Variants in TAF3 observed in about 807,000 individuals in gnomAD.
The protein encoded by TAF3 is transcription initiation factor TFIID subunit 3.
In TAF3, 7 loss-of-function variants were observed where a neutral mutation model predicts 80.6. The observed-to-expected ratio is 0.09, with a 90% CI of 0.05 to 0.16. The LOEUF (loss-of-function observed/expected upper bound fraction) is 0.16, where lower values mean the gene tolerates loss of function less well. Among genes scored for constraint, TAF3 ranks in the 10% least tolerant of loss-of-function variants. The pLI, the probability that TAF3 is intolerant of heterozygous loss-of-function variation, is 1.00. For missense variants in TAF3, 921 were observed against 1,140.2 expected, an observed-to-expected ratio of 0.81 and a Z score of 2.77; for synonymous variants, 444 against 446.1, an observed-to-expected ratio of 1.00 and a Z score of 0.06.
Position 7,949,079 on chromosome 10 carries a change from T to C in TAF3, c.410-14841T>C, listed in dbSNP as rs566687375. ...CAACAGTGTCAGGATGATTTCCCAT[T>C]ACTTTTTTATCGACTGCTCTTGATG... On this transcript the variant is annotated intron_variant, in intron 2 of 6. Coordinates refer to ENST00000344293, the MANE Select transcript of TAF3 (RefSeq NM_031923.4). 2.6e-5 allele frequency among the ~76,000 whole-genome samples: 4 copies of C among 152,344 alleles called. No homozygotes were observed. In the East Asian group the frequency reaches 7.7e-4, roughly 29 times the overall value.
intron 2 of TAF3, among the ~76,000 whole-genome samples, chr10:7,883,039 A>G (rs1284847028): frequency 6.6e-6 from 1 of 152,212 alleles, no homozygotes; most frequent in Non-Finnish European, 1.5e-5. Context: ...CATATGTAAC[A>G]GAACAGTTAT....
intron 2 of TAF3, among the ~76,000 whole-genome samples, chr10:7,881,185 A>G (rs1284033806): frequency 7.0e-6 from 1 of 143,286 alleles, no homozygotes; most frequent in African/African-American, 2.5e-5. Flanking sequence ...GCAGTGAGCC[A>G]TGAGTATAAC....
chr10:7,830,917 G>A (rs1836793486), intron 2 of TAF3, among the ~76,000 whole-genome samples: 1 of 152,178 alleles, frequency 6.6e-6, no homozygotes, highest in African/African-American at 2.4e-5. Flanking sequence ...CACTCATAAT[G>A]CAGCTCAATG....
chr10:7,842,177 T>TG (rs1389612463), intron 2 of TAF3, among the ~76,000 whole-genome samples: 7 of 70,928 alleles, frequency 9.9e-5, no homozygotes, highest in African/African-American at 3.6e-4. Context: ...TTTTTTTTTG[T>TG]TTTTTTTTTT....
At chr10:7,982,148 A>T (rs543918458) in intron 4 of TAF3, among the ~76,000 whole-genome samples, 12 of 152,274 alleles carry the variant, frequency 7.9e-5, no homozygotes, top group African/African-American at 2.9e-4. Flanking sequence ...AATGTTTTTT[A>T]TCTCACTTTC....
intron 2 of TAF3, among the ~76,000 whole-genome samples, chr10:7,919,367 C>G (rs1456097092): frequency 6.6e-6 from 1 of 152,126 alleles, no homozygotes; most frequent in Admixed American, 6.5e-5. Context: ...CCTACCAAGT[C>G]CTTGCTGAAA....
At chr10:8,005,437 C>G (rs1317226662) in intron 4 of TAF3, among the ~76,000 whole-genome samples, 1 of 152,214 alleles carries the variant, frequency 6.6e-6, no homozygotes, top group African/African-American at 2.4e-5. Context: ...TCCTAGAACA[C>G]CAGAGGTGAA....
chr10:7,930,418 A>G (rs1404185995), intron 2 of TAF3, among the ~76,000 whole-genome samples: 1 of 152,200 alleles, frequency 6.6e-6, no homozygotes, highest in Non-Finnish European at 1.5e-5. Context: ...GTACAGCCCT[A>G]TTTCTAGAGT....
At chr10:7,925,791 T>G (rs1012218496) in intron 2 of TAF3, among the ~76,000 whole-genome samples, 1 of 53,802 alleles carries the variant, frequency 1.9e-5, no homozygotes, top group Non-Finnish European at 4.2e-5. Flanking sequence ...AAAAGGAAAC[T>G]CCATCTCAAA....
In TAF3 at chr10:7,998,259, A is replaced by ATATG. The variant is rs1554788790; in HGVS notation, c.2316-10816_2316-10815insGTAT. On this transcript the variant is annotated intron_variant, in intron 4 of 6. Coordinates refer to ENST00000344293, the MANE Select transcript of TAF3 (RefSeq NM_031923.4). ...GTGAGAACTATATATATATATATAT[A>ATATG]TATATGTATATATATATATATATAT... 6.6e-3 allele frequency among the ~76,000 whole-genome samples: 589 copies of ATATG among 89,046 alleles called. 2 individuals carry two copies. The highest frequency in any genetic ancestry group is 7.4e-3 in the African/African-American group (183 of 24,656). 58.4% of individuals were successfully genotyped at this position (89,046 alleles called of 152,430 possible). A position where few individuals can be genotyped will look rare whatever the true frequency, so the allele number is the denominator to read the frequency against.
At chr10:7,912,098 CAT>C (rs1457970918) in intron 2 of TAF3, among the ~76,000 whole-genome samples, 1 of 152,152 alleles carries the variant, frequency 6.6e-6, no homozygotes, top group Non-Finnish European at 1.5e-5. Flanking sequence ...GAATAGGAAA[CAT>C]ATTATCCTCA....
At chr10:7,999,026 G>T (rs531620428) in intron 4 of TAF3, among the ~76,000 whole-genome samples, 2 of 152,070 alleles carry the variant, frequency 1.3e-5, no homozygotes, top group African/African-American at 2.4e-5. Context: ...TGACTAGGTG[G>T]CTGAGGAAGT....
chr10:7,822,527 G>C (rs11255379), intron 1 of TAF3, among the ~76,000 whole-genome samples: 25,918 of 151,886 alleles, frequency 0.17, 2,663 homozygotes, highest in East Asian at 0.52. Context: ...TGTGGAGTTA[G>C]AAGTCAGTCT....
At chr10:7,924,682 G>A (rs1309606417) in intron 2 of TAF3, among the ~76,000 whole-genome samples, 1 of 151,516 alleles carries the variant, frequency 6.6e-6, no homozygotes, top group Non-Finnish European at 1.5e-5. Flanking sequence ...TTAAATATGT[G>A]TAGCATTACA....
At chr10:7,892,670 T>A (rs1837466879) in intron 2 of TAF3, among the ~76,000 whole-genome samples, 3 of 152,204 alleles carry the variant, frequency 2.0e-5, no homozygotes, top group African/African-American at 4.8e-5. Context: ...TGAAACACAC[T>A]GTTTCTTAGA....
At chr10:7,963,889 A>T (rs2131412032) in intron 2 of TAF3, 31 bp from the exon 3 acceptor site, 1 of 1,509,854 alleles carries the variant, frequency 6.6e-7, no homozygotes, top group Non-Finnish European at 8.8e-7. Flanking sequence ...AATAATATTT[A>T]TTTTTTTCTT....
intron 4 of TAF3, among the ~76,000 whole-genome samples, chr10:7,992,107 A>G (rs148323366): frequency 7.7e-4 from 117 of 152,352 alleles, no homozygotes; most frequent in African/African-American, 2.7e-3. Flanking sequence ...TACAGAAAGT[A>G]AAGTTTCATC....
At chr10:7,856,336 A>T (rs996036211) in intron 2 of TAF3, among the ~76,000 whole-genome samples, 9 of 151,708 alleles carry the variant, frequency 5.9e-5, no homozygotes, top group African/African-American at 1.9e-4. Context: ...ATTAGCCAGG[A>T]GTGGTGGTGC....
chr10:7,922,871 A>G (rs1354139649), intron 2 of TAF3, among the ~76,000 whole-genome samples: 7 of 152,074 alleles, frequency 4.6e-5, no homozygotes, highest in African/African-American at 1.2e-4. Flanking sequence ...AGCAGTTAAA[A>G]TGCATAATTG....
Sources: gnomAD v4.1 joint callset for allele counts (sites outside exome capture counted in the v4.1 genomes callset) on GRCh38, gnomAD v4.1.1 for gene constraint, MANE v1.5 for transcripts, NCBI Gene and HGNC (gene_info 2026-07-23, HGNC 2026-07-21) for gene names.